Variants in MDFIC observed in about 807,000 individuals in gnomAD.
MDFIC encodes MyoD family inhibitor domain containing, also known as myoD family inhibitor domain-containing protein.
Under a neutral mutation model 23.2 loss-of-function variants are expected in MDFIC, and 17 were observed. That is an observed-to-expected ratio of 0.73 (90% CI 0.50 to 1.10). The LOEUF (loss-of-function observed/expected upper bound fraction) is 1.10, where lower values mean the gene tolerates loss of function less well. MDFIC is among the 50% of genes least tolerant of loss of function. The probability of loss-of-function intolerance (pLI) is 0.00; values close to 1 mark genes in which losing one functional copy is unlikely to be tolerated. For synonymous variants in MDFIC, 120 were observed against 115.2 expected (o/e 1.04, Z -0.27); for missense variants, 356 against 316.6 (o/e 1.12, Z -0.95).
chr7:114,927,675 A>G (rs889201159), intron 2 of MDFIC, among the ~76,000 whole-genome samples: 4 of 152,150 alleles, frequency 2.6e-5, no homozygotes, highest in Admixed American at 2.6e-4. Flanking sequence ...GGAGACTCCA[A>G]CATATGGCAA....
intron 4 of MDFIC, among the ~76,000 whole-genome samples, chr7:114,994,786 T>A (rs1211116272): frequency 1.3e-5 from 2 of 152,218 alleles, no homozygotes; most frequent in Non-Finnish European, 2.9e-5. Flanking sequence ...CTTAACATTT[T>A]TTCCTTCATT....
rs751154244 is a variant in MDFIC at position 114,942,259 on chromosome 7, A to T, written c.95-16A>T. ...ATATAAAATCAATTATATTAAATGT[A>T]TCTTTTTTAATTCAGGAAAATGTGA... On this transcript the variant is annotated splice_polypyrimidine_tract_variant and intron_variant, in intron 2 of 4. Transcript: ENST00000393486. 3 of 1,385,940 alleles carry T rather than the reference A, an allele frequency of 2.2e-6. No individual in the cohort carries two copies. Among genetic ancestry groups the T allele is most frequent in the Non-Finnish European group, 2.9e-6 (3 of 1,021,400 alleles). 85.9% of individuals were successfully genotyped at this position (1,385,940 alleles called of 1,614,324 possible).
chr7:114,974,992 G>A (rs1793281837), intron 3 of MDFIC, among the ~76,000 whole-genome samples: 1 of 151,500 alleles, frequency 6.6e-6, no homozygotes, highest in South Asian at 2.1e-4. Context: ...GATGCTGAAT[G>A]TTCTTATAAG....
At chr7:114,942,137 C>G in intron 2 of MDFIC, 138 bp from the exon 3 acceptor site, 1 of 423,930 alleles carries the variant, frequency 2.4e-6, no homozygotes, top group Non-Finnish European at 4.0e-6. Flanking sequence ...ATAAAATAGG[C>G]AGCAGGCAAT....
At chr7:114,983,327 G>C (rs539744314) in intron 4 of MDFIC, among the ~76,000 whole-genome samples, 4 of 151,830 alleles carry the variant, frequency 2.6e-5, no homozygotes, top group Non-Finnish European at 4.4e-5. Context: ...ATTTTTTTTG[G>C]TTCAGATAAT....
At chr7:115,011,109 A>G (rs1791672884) in intron 4 of MDFIC, among the ~76,000 whole-genome samples, 1 of 152,186 alleles carries the variant, frequency 6.6e-6, no homozygotes, top group African/African-American at 2.4e-5. Context: ...CTGTAGCAGC[A>G]GCATAGCTTG....
chr7:114,993,343 C>T (rs978112853), intron 4 of MDFIC, among the ~76,000 whole-genome samples: 1 of 152,234 alleles, frequency 6.6e-6, no homozygotes, highest in Middle Eastern at 3.4e-3. Flanking sequence ...TTTTGTGTCT[C>T]TATCTCCTTC....
At position 115,019,879 on chromosome 7, in the gene MDFIC, C is replaced by T. The variant is rs1791866876; in HGVS notation, c.*3944C>T. Among the ~76,000 whole-genome samples, 1 of 152,110 alleles carries T rather than the reference C, an allele frequency of 6.6e-6. No homozygotes were observed. The highest frequency in any genetic ancestry group is 2.4e-5 in the African/African-American group (1 of 41,422). On this transcript the variant is annotated 3_prime_UTR_variant, in exon 5 of 5. Coordinates refer to ENST00000393486, the MANE Select transcript of MDFIC (RefSeq NM_001166345.3). ...TTAAAAGAGAATCCTTTCAACCCTT[C>T]ATCTTCGTATGCTTATACAATAAAT...
At position 115,016,380 on chromosome 7, in the gene MDFIC, C is replaced by G. The variant is rs966820478; in HGVS notation, c.*445C>G. On this transcript the variant is annotated 3_prime_UTR_variant, in exon 5 of 5. Transcript: ENST00000393486. ...AGGCACGGTGGCTTACACCTGTAACCCTGGCATTTTGGGAGGCCAAGGTGG... is the reference window on the plus strand; with the variant it reads ...AGGCACGGTGGCTTACACCTGTAACGCTGGCATTTTGGGAGGCCAAGGTGG... 2 of 163,550 alleles carry G rather than the reference C, an allele frequency of 1.2e-5. No homozygotes were observed. The highest frequency in any genetic ancestry group is 4.8e-5 in the African/African-American group (2 of 41,470). 10.1% of individuals were successfully genotyped at this position (163,550 alleles called of 1,614,324 possible). A position where few individuals can be genotyped will look rare whatever the true frequency, so the allele number is the denominator to read the frequency against.
intron 4 of MDFIC, among the ~76,000 whole-genome samples, chr7:115,008,546 C>G (rs1394537901): frequency 6.6e-6 from 1 of 152,130 alleles, no homozygotes; most frequent in Non-Finnish European, 1.5e-5. Context: ...GTAGGAGGCT[C>G]ACTTTAGGCC....
At chr7:114,943,778 TTAC>T (rs1214430949) in intron 3 of MDFIC, among the ~76,000 whole-genome samples, 32 of 152,194 alleles carry the variant, frequency 2.1e-4, no homozygotes, top group Admixed American at 2.1e-3. Flanking sequence ...AGAGACAATT[TTAC>T]CTCTATCTGT....
chr7:114,970,103 G>C (rs1793179354), intron 3 of MDFIC, among the ~76,000 whole-genome samples: 2 of 152,182 alleles, frequency 1.3e-5, no homozygotes, highest in Admixed American at 1.3e-4. Context: ...TAAGCATCTT[G>C]TTGTTGAGTT....
rs543085443 is a variant in MDFIC at position 114,952,080 on chromosome 7, A to G, written c.217+9683A>G. ...GAAGGAGTGGGACTCCATTTCTGGTAAACATAAAGTAATATTCTATACCTA... is the reference window on the plus strand; with the variant it reads ...GAAGGAGTGGGACTCCATTTCTGGTGAACATAAAGTAATATTCTATACCTA... On this transcript the variant is annotated intron_variant, in intron 3 of 4. Transcript: ENST00000393486. Among the ~76,000 whole-genome samples the G allele has an allele frequency of 2.0e-5, 3 of 152,362 alleles. No individual in the cohort carries two copies. In the South Asian group the frequency reaches 6.2e-4, roughly 32 times the overall value.
intron 3 of MDFIC, among the ~76,000 whole-genome samples, chr7:114,943,702 A>C (rs4551278): frequency 0.81 from 123,612 of 152,106 alleles, 52,006 homozygotes; most frequent in Non-Finnish European, 0.92. Context: ...GATTTTGTGG[A>C]ATAACTGGCC....
At chr7:114,978,141 C>T (rs13235066) in intron 3 of MDFIC, among the ~76,000 whole-genome samples, 3,868 of 151,848 alleles carry the variant, frequency 0.025, 93 homozygotes, top group South Asian at 0.11. Flanking sequence ...ATTTCATAAG[C>T]TTCATTGGCT....
At chr7:114,960,181 A>G (rs1051214326) in intron 3 of MDFIC, among the ~76,000 whole-genome samples, 2 of 152,204 alleles carry the variant, frequency 1.3e-5, no homozygotes, top group Non-Finnish European at 2.9e-5. Context: ...GTGAAGGGTC[A>G]AATATGAAAA....
rs752906773 is a variant in MDFIC at position 114,922,560 on chromosome 7, G to C, written c.-184G>C. 4 of 1,269,388 alleles carry C rather than the reference G, an allele frequency of 3.2e-6. No individual in the cohort carries two copies. The African/African-American group carries it at 4.6e-5, about 15-fold the overall frequency. The allele number at this position is 1,269,388 out of a possible 1,614,324, so 78.6% of individuals were successfully genotyped here. A position where few individuals can be genotyped will look rare whatever the true frequency, so the allele number is the denominator to read the frequency against. On this transcript the variant is annotated 5_prime_UTR_variant, in exon 1 of 5. Transcript: ENST00000393486. ...GGCGAAAATGCGGCCGCTGCCGGAGGCTCGCTAACTTTCCGGGGCGGAAGA... is the reference window on the plus strand; with the variant it reads ...GGCGAAAATGCGGCCGCTGCCGGAGCCTCGCTAACTTTCCGGGGCGGAAGA...
At chr7:114,959,448 A>G (rs1047005781) in intron 3 of MDFIC, among the ~76,000 whole-genome samples, 45 of 152,230 alleles carry the variant, frequency 3.0e-4, no homozygotes, top group African/African-American at 1.1e-3. Context: ...ATATGAAAAT[A>G]TTTGTGAAAG....
At chr7:114,949,890 A>G (rs1363951501) in intron 3 of MDFIC, among the ~76,000 whole-genome samples, 3 of 152,150 alleles carry the variant, frequency 2.0e-5, no homozygotes, top group Non-Finnish European at 4.4e-5. Context: ...GAGGGACTGA[A>G]GCTGGGGTGT....
Sources: allele counts gnomAD v4.1 joint callset (sites outside exome capture counted in the v4.1 genomes callset), GRCh38; gene constraint gnomAD v4.1.1; transcripts MANE v1.5; gene names NCBI Gene and HGNC (gene_info 2026-07-23, HGNC 2026-07-21).